Variants in RNF32 observed in about 807,000 individuals in gnomAD.
The protein encoded by RNF32 is ring finger protein 32.
A neutral mutation model predicts 41.0 loss-of-function variants in RNF32; 36 were observed. The observed-to-expected ratio is 0.88, with a 90% CI of 0.67 to 1.16. The LOEUF is 1.16. Ranked by LOEUF, RNF32 falls within the 50% of genes most tolerant of loss-of-function variation. The pLI is 0.00. For synonymous variants in RNF32, 154 were observed against 160.9 expected, an observed-to-expected ratio of 0.96 and a Z score of 0.32; for missense variants, 413 against 436.7, an observed-to-expected ratio of 0.95 and a Z score of 0.48.
At chr7:156,661,275 G>A (rs1449437817) in intron 7 of RNF32, among the ~76,000 whole-genome samples, 1 of 151,486 alleles carries the variant, frequency 6.6e-6, no homozygotes, top group Non-Finnish European at 1.5e-5. Context: ...TTTTCCTAGG[G>A]CCCCCTTGGC....
chr7:156,671,303 G>A (rs534161703), intron 7 of RNF32, among the ~76,000 whole-genome samples: 1 of 152,312 alleles, frequency 6.6e-6, no homozygotes, highest in South Asian at 2.1e-4. Context: ...GTGTTACTCA[G>A]AAGAGATGCC....
At chr7:156,673,740 A>G (rs1158508368) in intron 7 of RNF32, among the ~76,000 whole-genome samples, 2 of 152,142 alleles carry the variant, frequency 1.3e-5, no homozygotes, top group African/African-American at 2.4e-5. Flanking sequence ...CTAACATCCC[A>G]GGGAGAAAGG....
chr7:156,658,996 A>G, intron 7 of RNF32: 1 of 1,492,034 alleles, frequency 6.7e-7, no homozygotes, highest in Non-Finnish European at 8.9e-7. Flanking sequence ...CTACCATTGT[A>G]TTGAGTACCT....
chr7:156,648,114 TACA>T (rs1460533945), intron 3 of RNF32, among the ~76,000 whole-genome samples: 4 of 152,190 alleles, frequency 2.6e-5, no homozygotes, highest in Non-Finnish European at 5.9e-5. Flanking sequence ...ATACTGTTTT[TACA>T]ACCTTTTGTA....
At chr7:156,671,765 T>C (rs77416420) in intron 7 of RNF32, among the ~76,000 whole-genome samples, 1 of 151,000 alleles carries the variant, frequency 6.6e-6, no homozygotes, top group Non-Finnish European at 1.5e-5. Context: ...ACCATCTTTA[T>C]GTCCACGTAC....
At chr7:156,655,246 C>A in intron 4 of RNF32, among the ~76,000 whole-genome samples, 1 of 151,640 alleles carries the variant, frequency 6.6e-6, no homozygotes, top group Non-Finnish European at 1.5e-5. Flanking sequence ...CGCGCACACA[C>A]ACACACACAC....
intron 3 of RNF32, among the ~76,000 whole-genome samples, chr7:156,648,542 A>C (rs1798285774): frequency 6.6e-6 from 1 of 152,232 alleles, no homozygotes; most frequent in Non-Finnish European, 1.5e-5. Flanking sequence ...GAACGTCCCA[A>C]TTTGGAAAAT....
At position 156,643,826 on chromosome 7, in the gene RNF32, G is replaced by A; in HGVS notation, c.-52G>A. ...CAGAAGAATAGAAGGAAGGTGATAG[G>A]ATGTGATGATAGAATTTGTGATAGC... On this transcript the variant is annotated 5_prime_UTR_variant, in exon 2 of 9. Coordinates refer to ENST00000317955, the MANE Select transcript of RNF32 (RefSeq NM_030936.4). The A allele has an allele frequency of 1.3e-6, 2 of 1,549,896 alleles. No individual in the cohort carries two copies. Among genetic ancestry groups the A allele is most frequent in the Non-Finnish European group, 1.8e-6 (2 of 1,121,890 alleles).
At position 156,676,571 on chromosome 7, in the gene RNF32, G is replaced by A; in HGVS notation, c.1005G>A (p.Glu335=). ...ACCATGCGTGTCTGCTGGCACTAGA[G>A]GAGTTCTCCGTGGGAGACAGGCCTC... ...VFHHACLLAL[E]EFSVGDRPPF... is the part of the protein sequence containing the mutation. The change falls in exon 9 of 9, where the codon GAG becomes GAA. Residue 335 remains glutamate, a synonymous_variant. Coordinates refer to ENST00000317955, the MANE Select transcript of RNF32 (RefSeq NM_030936.4). The A allele has an allele frequency of 6.2e-7, 1 of 1,614,202 alleles. No individual in the cohort carries two copies. The highest frequency in any genetic ancestry group is 8.5e-7 in the Non-Finnish European group (1 of 1,180,016).
At chr7:156,654,113 A>T (rs184223107) in intron 3 of RNF32, 1 of 152,386 alleles carries the variant, frequency 6.6e-6, no homozygotes, top group East Asian at 1.9e-4. Flanking sequence ...TTGCGCCCTC[A>T]TAGAAAAACG....
rs1804099073 is a variant in RNF32 at position 156,676,580 on chromosome 7, C to T, written c.1014C>T (p.Ser338=). 6 of 1,614,208 alleles carry T rather than the reference C, an allele frequency of 3.7e-6. No individual in the cohort carries two copies. Among genetic ancestry groups the T allele is most frequent in the Middle Eastern group, 1.6e-4 (1 of 6,062 alleles). Residue 338 remains serine, a synonymous_variant, in exon 9 of 9, where the codon TCC becomes TCT. Transcript: ENST00000317955. ...GTCTGCTGGCACTAGAGGAGTTCTC[C>T]GTGGGAGACAGGCCTCCTTTCCATG... The part of the protein sequence containing the change: ...HACLLALEEF[S]VGDRPPFHAC...
chr7:156,659,005 C>T (rs1800181990), intron 7 of RNF32: 6 of 1,467,340 alleles, frequency 4.1e-6, no homozygotes, highest in Middle Eastern at 1.8e-4. Flanking sequence ...TATTGAGTAC[C>T]TCGTGGGGTC....
chr7:156,654,799 C>G, intron 4 of RNF32, 81 bp downstream of exon 4: 1 of 1,356,404 alleles, frequency 7.4e-7, no homozygotes, highest in Non-Finnish European at 1.0e-6. Context: ...CCTAAGATTC[C>G]AAGCTTCCTT....
At chr7:156,674,219 G>A (rs1340325812) in intron 7 of RNF32, among the ~76,000 whole-genome samples, 1 of 152,222 alleles carries the variant, frequency 6.6e-6, no homozygotes. Context: ...GCCAGCCTGT[G>A]GGGCTCGGGA....
intron 4 of RNF32, among the ~76,000 whole-genome samples, chr7:156,656,613 G>A (rs1799713112): frequency 6.6e-6 from 1 of 152,232 alleles, no homozygotes; most frequent in African/African-American, 2.4e-5. Context: ...TACATTGAGT[G>A]AAGGCAGGTG....
chr7:156,675,840 G>C lies in RNF32; in HGVS notation c.829G>C (p.Glu277Gln), dbSNP rs367676262. ...ATGTGGCCATGAGATCACAGAAGAGGAATGGGAGAAAATCCAAGTGCAGGT... is the reference window on the plus strand; with the variant it reads ...ATGTGGCCATGAGATCACAGAAGAGCAATGGGAGAAAATCCAAGTGCAGGT... ...EKCGHEITEE[E>Q]WEKIQVQALR... The change falls in exon 8 of 9, where the codon GAA becomes CAA. Residue 277 changes from glutamate to glutamine, a missense_variant. Transcript: ENST00000317955. 9.8e-5 allele frequency: 158 copies of C among 1,613,808 alleles called. No homozygotes were observed. Among genetic ancestry groups the C allele is most frequent in the Non-Finnish European group, 1.3e-4 (152 of 1,179,878 alleles).
chr7:156,654,408 G>A, intron 3 of RNF32, 168 bp from the exon 4 acceptor site: 2 of 568,752 alleles, frequency 3.5e-6, no homozygotes, highest in Non-Finnish European at 3.0e-6. Context: ...GGAATGTCCT[G>A]GAACACATTC....
chr7:156,647,019 T>C (rs1006485379), intron 3 of RNF32, among the ~76,000 whole-genome samples: 1 of 152,060 alleles, frequency 6.6e-6, no homozygotes, highest in Non-Finnish European at 1.5e-5. Context: ...ACCCAGCTAA[T>C]TTTTGTAGTT....
intron 5 of RNF32, 110 bp downstream of exon 5, chr7:156,657,683 C>A: frequency 1.0e-6 from 1 of 966,390 alleles, no homozygotes; most frequent in Non-Finnish European, 1.7e-6. Flanking sequence ...TTTTATTCAT[C>A]ACCACCATCT....
Sources: allele counts gnomAD v4.1 joint callset (sites outside exome capture counted in the v4.1 genomes callset), GRCh38; gene constraint gnomAD v4.1.1; transcripts MANE v1.5; gene names NCBI Gene and HGNC (gene_info 2026-07-23, HGNC 2026-07-21).